The following RXRA variants were observed in gnomAD, a reference collection of about 807,000 sequenced individuals.
RXRA encodes retinoic acid receptor RXR-alpha.
A neutral mutation model predicts 44.5 loss-of-function variants in RXRA; 5 were observed. That is an observed-to-expected ratio of 0.11 (90% confidence interval 0.06 to 0.24). RXRA has a LOEUF of 0.24. RXRA is among the 10% of genes least tolerant of loss of function. The probability of loss-of-function intolerance (pLI) is 1.00; values close to 1 mark genes in which losing one functional copy is unlikely to be tolerated. For synonymous variants in RXRA, 291 were observed against 271.4 expected (o/e 1.07, Z -0.71); for missense variants, 412 against 646.5 (o/e 0.64, Z 3.93).
chr9:134,395,723 C>T (rs528830083), intron 1 of RXRA, among the ~76,000 whole-genome samples: 2 of 152,368 alleles, frequency 1.3e-5, no homozygotes, highest in African/African-American at 4.8e-5. Context: ...CAGGGAGCTC[C>T]ATCATCCGAC....
At chr9:134,431,024 ATCT>A (rs1298422032) in intron 7 of RXRA, among the ~76,000 whole-genome samples, 2 of 152,110 alleles carry the variant, frequency 1.3e-5, no homozygotes, top group Admixed American at 1.3e-4. Flanking sequence ...CCTCCTTCAG[ATCT>A]TCTTCCAGGA....
rs1387927085 is a variant in RXRA, at chr9:134,414,928, C to T, written c.611-2230C>T. On this transcript the variant is annotated intron_variant, in intron 4 of 9. Transcript: ENST00000481739. The stretch of plus-strand genomic sequence containing the variant: ...GACCCCGCCCCGGATGAGCACCGCC[C>T]TCTGGAGGGCTCATGGAAGTCCCAT... 3.9e-5 allele frequency among the ~76,000 whole-genome samples: 6 copies of T among 152,292 alleles called. No individual in the cohort carries two copies. In the South Asian group the frequency reaches 1.0e-3, roughly 26 times the overall value.
chr9:134,368,401 A>C (rs925168724), intron 1 of RXRA, among the ~76,000 whole-genome samples: 158 of 152,362 alleles, frequency 1.0e-3, no homozygotes, highest in Non-Finnish European at 5.9e-5. Context: ...CATGGGGGCC[A>C]CCGGGTCCTT....
chr9:134,337,260 C>A (rs1830021618), intron 1 of RXRA, among the ~76,000 whole-genome samples: 1 of 152,180 alleles, frequency 6.6e-6, no homozygotes. Flanking sequence ...GGGTCAAGGC[C>A]AGCCACGAGG....
chr9:134,415,290 G>A (rs1831215543), intron 4 of RXRA, among the ~76,000 whole-genome samples: 1 of 152,186 alleles, frequency 6.6e-6, no homozygotes, highest in African/African-American at 2.4e-5. Context: ...CAGGACTGGG[G>A]ACCCTGGGCC....
chr9:134,436,752 T>TTAG lies in RXRA; in HGVS notation c.*138_*139insTAG. 3 of 902,412 alleles carry TTAG rather than the reference T, an allele frequency of 3.3e-6. No individual in the cohort carries two copies. The highest frequency in any genetic ancestry group is 5.0e-6 in the Non-Finnish European group (3 of 596,676). 55.9% of individuals were successfully genotyped at this position (902,412 alleles called of 1,614,324 possible). ...TTTGGGGCACAGCCTGTCACTGCTC[T>TTAG]GCCTAAGAGATGTGTTGTCACCCTC... is the stretch of plus-strand genomic sequence containing the variant. On this transcript the variant is annotated 3_prime_UTR_variant, in exon 10 of 10. Transcript: ENST00000481739.
At chr9:134,388,230 C>T (rs1461891085) in intron 1 of RXRA, among the ~76,000 whole-genome samples, 1 of 151,470 alleles carries the variant, frequency 6.6e-6, no homozygotes, top group Non-Finnish European at 1.5e-5. Flanking sequence ...GGCTGTTAGA[C>T]TGTGCTCTTC....
At chr9:134,370,550 T>G (rs1483063303) in intron 1 of RXRA, among the ~76,000 whole-genome samples, 4 of 152,218 alleles carry the variant, frequency 2.6e-5, no homozygotes, top group Non-Finnish European at 5.9e-5. Flanking sequence ...AGCCCCTCAT[T>G]TGGGATTCTG....
chr9:134,434,012 T>C lies in RXRA; in HGVS notation c.1136-90T>C, dbSNP rs35551025. On this transcript the variant is annotated intron_variant, in intron 8 of 9. Coordinates refer to ENST00000481739, the MANE Select transcript of RXRA (RefSeq NM_002957.6). ...CTGCTCTGCCCATGGTGGGGCAGCC[T>C]GGGAGACCCCACACAAGCCTGGGTC... 9.1e-3 allele frequency: 8,384 copies of C among 922,504 alleles called. 372 individuals carry two copies. The African/African-American group carries it at 0.11, about 12-fold the overall frequency. 57.1% of individuals were successfully genotyped at this position (922,504 alleles called of 1,614,324 possible). A position where few individuals can be genotyped will look rare whatever the true frequency, so the allele number is the denominator to read the frequency against.
chr9:134,436,088 C>T (rs1457253587), intron 9 of RXRA, among the ~76,000 whole-genome samples: 3 of 152,226 alleles, frequency 2.0e-5, no homozygotes, highest in Non-Finnish European at 4.4e-5. Context: ...TCAAGCCATC[C>T]TCCCACCTCG....
rs1229924563 is a variant in RXRA at position 134,342,289 on chromosome 9, C to T, written c.28+15630C>T. Among the ~76,000 whole-genome samples, 1 of 152,124 alleles carries T rather than the reference C, an allele frequency of 6.6e-6. No homozygotes were observed. Among genetic ancestry groups the T allele is most frequent in the African/African-American group, 2.4e-5 (1 of 41,408 alleles). ...CACAGTGCACCAGGTGCCCCGGTAC[C>T]AGCTTGTGCCAAGCCCATTGCCCTC... On this transcript the variant is annotated intron_variant, in intron 1 of 9. Transcript: ENST00000481739. The surrounding 1 kb of genome is among the most constrained non-coding windows in gnomAD (Gnocchi z 4.4).
At chr9:134,379,095 G>A (rs1008413684) in intron 1 of RXRA, among the ~76,000 whole-genome samples, 1 of 152,180 alleles carries the variant, frequency 6.6e-6, no homozygotes, top group East Asian at 1.9e-4. Context: ...CTGGGATGCA[G>A]CCCAGCCTGT....
chr9:134,389,301 G>T (rs181179789), intron 1 of RXRA, among the ~76,000 whole-genome samples: 356 of 152,318 alleles, frequency 2.3e-3, no homozygotes, highest in African/African-American at 8.2e-3. Flanking sequence ...CACCCCCGGG[G>T]GGTTGCTCGT....
rs750493414 is a variant in RXRA at position 134,417,222 on chromosome 9, C to T, written c.675C>T (p.Ser225=). ...AGAATGAGGTGGAGTCGACCAGCAG[C>T]GCCAACGAGGACATGCCGGTGGAGA... ...RNENEVESTS[S]ANEDMPVERI... is the part of the protein sequence containing the mutation. The change falls in exon 5 of 10, where the codon AGC becomes AGT. Residue 225 remains serine (S), a synonymous_variant. Transcript: ENST00000481739. This position sits in a 1 kb window ranked among gnomAD's most constrained non-coding sequence, Gnocchi z 6.1. 25 of 1,613,566 alleles carry T rather than the reference C, an allele frequency of 1.5e-5. No individual in the cohort carries two copies. In the South Asian group the frequency reaches 2.1e-4, roughly 13 times the overall value.
At position 134,401,529 on chromosome 9, in the gene RXRA, G is replaced by T. The variant is rs1399894336; in HGVS notation, c.29-103G>T. 3.8e-6 allele frequency: 6 copies of T among 1,570,548 alleles called. No individual in the cohort carries two copies. The Admixed American group carries it at 1.1e-4, about 29-fold the overall frequency. ...ACGGGGCCACCTTGAGGGTGCCGGG[G>T]TCTTCCCGCAGGTGCGTGCATCTGT... On this transcript the variant is annotated intron_variant, in intron 1 of 9. Transcript: ENST00000481739.
At chr9:134,394,810 T>C (rs1025512324) in intron 1 of RXRA, among the ~76,000 whole-genome samples, 3 of 152,126 alleles carry the variant, frequency 2.0e-5, no homozygotes, top group African/African-American at 7.2e-5. Context: ...CATGGGGGCC[T>C]CTTGGGCTGG....
Position 134,439,159 on chromosome 9 carries a change from C to A in RXRA, c.*2545C>A, listed in dbSNP as rs571732027. 4.1e-4 allele frequency: 62 copies of A among 152,318 alleles called. No homozygotes were observed. The highest frequency in any genetic ancestry group is 1.3e-3 in the African/African-American group (56 of 41,584). 9.4% of individuals were successfully genotyped at this position (152,318 alleles called of 1,614,324 possible). On this transcript the variant is annotated 3_prime_UTR_variant, in exon 10 of 10. Coordinates refer to ENST00000481739, the MANE Select transcript of RXRA (RefSeq NM_002957.6). The stretch of plus-strand genomic sequence containing the variant: ...TGTAATTATTATTATTTTGGTGGGA[C>A]AATCTTTAATTTTCTAAAGATAGCA...
chr9:134,351,896 T>C (rs1554749524), intron 1 of RXRA, among the ~76,000 whole-genome samples: 1 of 151,998 alleles, frequency 6.6e-6, no homozygotes. Context: ...TGCCAGTGTG[T>C]GTTGGGTCAG....
chr9:134,413,677 C>T (rs952274447), intron 4 of RXRA, among the ~76,000 whole-genome samples: 4 of 152,200 alleles, frequency 2.6e-5, no homozygotes, highest in South Asian at 4.1e-4. Flanking sequence ...CCCTCGGCTC[C>T]GACATGCCTG....
Sources: gnomAD v4.1 joint callset for allele counts (sites outside exome capture counted in the v4.1 genomes callset) on GRCh38, gnomAD v4.1.1 for gene constraint, Gnocchi (gnomAD v3.1) non-coding constraint, MANE v1.5 for transcripts, NCBI Gene and HGNC (gene_info 2026-07-23, HGNC 2026-07-21) for gene names.